Variants in COL20A1 observed in about 807,000 individuals in gnomAD.
COL20A1 encodes the protein collagen alpha-1(XX) chain.
In COL20A1, 164 loss-of-function variants were observed where a neutral mutation model predicts 152.9. The observed-to-expected ratio is 1.07, with a 90% confidence interval of 0.94 to 1.22. The LOEUF is 1.22. Ranked by LOEUF, COL20A1 falls within the 50% of genes most tolerant of loss-of-function variation. The pLI is 0.00. For missense variants in COL20A1, 1,873 were observed against 1,744.8 expected (o/e 1.07, Z -1.31); for synonymous variants, 864 against 756.0 (o/e 1.14, Z -2.34).
At position 63,312,761 on chromosome 20, in the gene COL20A1, C is replaced by T. The variant is rs779052133; in HGVS notation, c.1934-31C>T. 17 of 1,515,678 alleles carry T rather than the reference C, an allele frequency of 1.1e-5. 1 individual carries two copies. In the South Asian group the frequency reaches 1.9e-4, roughly 17 times the overall value. The allele number at this position is 1,515,678 out of a possible 1,614,324, so 93.9% of individuals were successfully genotyped here. ...CTGAGGTGCCCAGGCTCAGGGGCTA[C>T]ACCCCCAGCCTGTGTCTCCACTTCC... On this transcript the variant is annotated intron_variant, in intron 15 of 35. Coordinates refer to ENST00000358894, the MANE Select transcript of COL20A1 (RefSeq NM_020882.4).
rs2068130571 is a variant in COL20A1, at chr20:63,319,537, C to T, written c.2857C>T (p.Gln953Ter). ...CCACCGTGACCCCAGGGCTGCCTTG[C>T]AGGAGGCCACCTTCGACCCGCAGGA... ...YFHRDPRAALQEATFDPQEVR... is the reference protein window; with the variant it reads ...YFHRDPRAAL The change falls in exon 23 of 36, where the codon CAG becomes TAG. Residue 953 changes from glutamine to a stop codon, truncating the protein, a stop_gained. Coordinates refer to ENST00000358894, the MANE Select transcript of COL20A1 (RefSeq NM_020882.4). LOFTEE classifies it high-confidence loss of function. The surrounding 1 kb of genome is among the most constrained non-coding windows in gnomAD (Gnocchi z 4.4). 3.8e-6 allele frequency: 6 copies of T among 1,598,024 alleles called. No homozygotes were observed. Among genetic ancestry groups the T allele is most frequent in the African/African-American group, 2.7e-5 (2 of 74,542 alleles).
At chr20:63,317,664 T>G (rs1235817246) in intron 21 of COL20A1, among the ~76,000 whole-genome samples, 3 of 152,000 alleles carry the variant, frequency 2.0e-5, no homozygotes, top group Non-Finnish European at 4.4e-5. Context: ...GTCACCACGG[T>G]GTCTTCGTGG....
Position 63,310,521 on chromosome 20 carries a change from CAG to C in COL20A1, c.1393+14_1393+15del. Reference sequence around the variant, plus strand: ...GCCTGGTGACCACAGGTAGGTGGGGCAGAGGCAGCGGCCAGGTTCTGGGTGGG... The same window carrying C: ...GCCTGGTGACCACAGGTAGGTGGGGCAGGCAGCGGCCAGGTTCTGGGTGGG... On this transcript the variant is annotated intron_variant, in intron 11 of 35. Transcript: ENST00000358894. 1 of 1,578,434 alleles carries C rather than the reference CAG, an allele frequency of 6.3e-7. No individual in the cohort carries two copies. Among genetic ancestry groups the C allele is most frequent in the Middle Eastern group, 1.7e-4 (1 of 5,756 alleles).
rs1568772322 is a variant in COL20A1 at position 63,309,460 on chromosome 20, CCA to C, written c.1069_1070del (p.Gln357GlufsTer58). On this transcript the variant is annotated frameshift_variant, in exon 9 of 36. Coordinates refer to ENST00000358894, the MANE Select transcript of COL20A1 (RefSeq NM_020882.4). LOFTEE classifies it high-confidence loss of function. Reference sequence around the variant, plus strand: ...CTGGCCTGCTCAGCCGTCTCATCTGCCAGAGGCTCCAGGGTGGGAGCCCGCGG... The same window carrying C: ...CTGGCCTGCTCAGCCGTCTCATCTGCGAGGCTCCAGGGTGGGAGCCCGCGG... ...LAGLLSRLIC[Q>X]RLQGGSPRQG... is the part of the protein sequence containing the mutation. 6.5e-7 allele frequency: 1 copy of C among 1,536,630 alleles called. No homozygotes were observed. Among genetic ancestry groups the C allele is most frequent in the Non-Finnish European group, 8.8e-7 (1 of 1,138,224 alleles).
At chr20:63,328,296 C>G in intron 33 of COL20A1, 35 bp from the exon 34 acceptor site, 1 of 1,593,188 alleles carries the variant, frequency 6.3e-7, no homozygotes. Flanking sequence ...CCCCGGGTCC[C>G]CACTGTGTCC....
intron 31 of COL20A1, 63 bp downstream of exon 31, chr20:63,326,886 A>G: frequency 8.5e-7 from 1 of 1,178,086 alleles, no homozygotes; most frequent in Non-Finnish European, 1.2e-6. Flanking sequence ...TGCAAGCCCC[A>G]CATGCAACCA....
At position 63,323,729 on chromosome 20, in the gene COL20A1, C is replaced by T. The variant is rs911282310; in HGVS notation, c.3294+1618C>T. On this transcript the variant is annotated intron_variant, in intron 27 of 35. Transcript: ENST00000358894. ...CGTTGATGTGTCTGTTGTTCACAGGCGAGGGCTGTGCTGCTTAAATTATTA... is the reference window on the plus strand; with the variant it reads ...CGTTGATGTGTCTGTTGTTCACAGGTGAGGGCTGTGCTGCTTAAATTATTA... Among the ~76,000 whole-genome samples the T allele has an allele frequency of 3.9e-5, 6 of 152,124 alleles. No homozygotes were observed. In the East Asian group the frequency reaches 9.6e-4, roughly 24 times the overall value.
intron 11 of COL20A1, among the ~76,000 whole-genome samples, 194 bp downstream of exon 11, chr20:63,310,704 G>C (rs866344935): frequency 1.1e-4 from 16 of 152,094 alleles, no homozygotes; most frequent in South Asian, 8.3e-4. Flanking sequence ...GTTCTCTTCT[G>C]AACACCAGCT....
rs760766943 is a variant in COL20A1, at chr20:63,307,632, G to A, written c.639G>A (p.Pro213=). The change falls in exon 6 of 36, where the codon CCG becomes CCA. Residue 213 remains proline (P), a synonymous_variant. Coordinates refer to ENST00000358894, the MANE Select transcript of COL20A1 (RefSeq NM_020882.4). ...ASVIAPFEIG[P]DKVQVGLTQY... Reference sequence around the variant, plus strand: ...TCATCGCACCCTTTGAAATCGGGCCGGATAAGGTCCAAGTAGGTGGGTGCT... The same window carrying A: ...TCATCGCACCCTTTGAAATCGGGCCAGATAAGGTCCAAGTAGGTGGGTGCT... The A allele has an allele frequency of 2.4e-5, 38 of 1,612,278 alleles. No individual in the cohort carries two copies. The Middle Eastern group carries it at 4.9e-4, about 21-fold the overall frequency.
At position 63,328,373 on chromosome 20, in the gene COL20A1, C is replaced by A. The variant is rs546339693; in HGVS notation, c.3656C>A (p.Pro1219His). 1.2e-6 allele frequency: 2 copies of A among 1,612,700 alleles called. No individual in the cohort carries two copies. The highest frequency in any genetic ancestry group is 2.7e-5 in the African/African-American group (2 of 75,038). Residue 1219 changes from proline (P) to histidine (H), a missense_variant, in exon 34 of 36, where the codon CCC becomes CAC. Coordinates refer to ENST00000358894, the MANE Select transcript of COL20A1 (RefSeq NM_020882.4). The part of the protein sequence containing the change: ...KFDSFHENTR[P>H]PMPILEQKLE... ...GACTCCTTCCACGAGAACACCAGGC[C>A]CCCCATGCCCATCTTGGAGCAGAAG...
In COL20A1 at chr20:63,321,031, C is replaced by T. The variant is rs2068155425; in HGVS notation, c.3172C>T (p.Pro1058Ser). ...LPASRDGETC[P>S]AFVSACSCSS... is the part of the protein sequence containing the mutation. ...CTTCCAGAGGGATGGAGAGACCTGC[C>T]CCGCCTTCGTGTCTGCCTGTTCCTG... Residue 1058 changes from proline to serine, a missense_variant, in exon 26 of 36, where the codon CCC becomes TCC. Physicochemically the swap from Pro to Ser is moderately conservative, Grantham distance 74. Transcript: ENST00000358894. 6.3e-7 allele frequency: 1 copy of T among 1,590,042 alleles called. No homozygotes were observed. The highest frequency in any genetic ancestry group is 8.6e-7 in the Non-Finnish European group (1 of 1,169,390).
intron 27 of COL20A1, among the ~76,000 whole-genome samples, chr20:63,322,780 G>C (rs914398860): frequency 2.0e-5 from 3 of 152,196 alleles, no homozygotes; most frequent in African/African-American, 7.2e-5. Flanking sequence ...CCCTCCTCCC[G>C]ACCCCGACAC....
intron 34 of COL20A1, 27 bp from the exon 35 acceptor site, chr20:63,329,558 C>G: frequency 6.3e-7 from 1 of 1,593,606 alleles, no homozygotes; most frequent in East Asian, 2.3e-5. Context: ...ATTGCTCCGT[C>G]CTCACATGCC....
chr20:63,327,084 C>A (rs2123435667), intron 31 of COL20A1: 1 of 414,888 alleles, frequency 2.4e-6, no homozygotes, highest in Non-Finnish European at 4.3e-6. Context: ...CTTCCTGTCG[C>A]TCTCCCAGGG....
rs1375287610 is a variant in COL20A1 at position 63,322,106 on chromosome 20, C to T, written c.3289C>T (p.Pro1097Ser). Residue 1097 changes from proline to serine, a missense_variant, in exon 27 of 36, where the codon CCC becomes TCC. By Grantham distance (74) the Pro-to-Ser change is moderately conservative. Transcript: ENST00000358894. ...GTPGEQGFPG[P>S]RGPPGVKGEK... ...CCCAGGAGAGCAGGGCTTCCCAGGG[C>T]CCAGGGTAAGTTTTGGGGAGCCCTG... 4 of 1,497,910 alleles carry T rather than the reference C, an allele frequency of 2.7e-6. No homozygotes were observed. The highest frequency in any genetic ancestry group is 1.5e-5 in the African/African-American group (1 of 68,600). The allele number at this position is 1,497,910 out of a possible 1,614,324, so 92.8% of individuals were successfully genotyped here.
At chr20:63,315,195 G>A (rs1359534631) in intron 19 of COL20A1, among the ~76,000 whole-genome samples, 1 of 152,204 alleles carries the variant, frequency 6.6e-6, no homozygotes, top group Non-Finnish European at 1.5e-5. Flanking sequence ...AGATCCAGAG[G>A]GGCAGGGACC....
rs902916542 is a variant in COL20A1 at position 63,333,889 on chromosome 20, G to A, written c.*3173G>A. Reference sequence around the variant, plus strand: ...TCTTCATCTACCAAGGACCAGGGCAGTGGGGACGGGAGAGCTGGGACACGT... The same window carrying A: ...TCTTCATCTACCAAGGACCAGGGCAATGGGGACGGGAGAGCTGGGACACGT... On this transcript the variant is annotated 3_prime_UTR_variant, in exon 36 of 36. Coordinates refer to ENST00000358894, the MANE Select transcript of COL20A1 (RefSeq NM_020882.4). 6.6e-6 allele frequency: 1 copy of A among 152,490 alleles called. No homozygotes were observed. The highest frequency in any genetic ancestry group is 2.1e-4 in the South Asian group (1 of 4,838). The allele number at this position is 152,490 out of a possible 1,614,324, so 9.4% of individuals were successfully genotyped here.
At chr20:63,309,209 G>A in intron 8 of COL20A1, 124 bp from the exon 9 acceptor site, 1 of 706,326 alleles carries the variant, frequency 1.4e-6, no homozygotes, top group Non-Finnish European at 2.1e-6. Flanking sequence ...TGGGTGGCAG[G>A]TGGGCCGAGT....
chr20:63,326,118 C>T lies in COL20A1; in HGVS notation c.3425C>T (p.Thr1142Ile). Reference sequence around the variant, plus strand: ...CAGGGAATGAGAGGCCTGGAGGGAACTGCTGGCCTGCCTGGACCCCCTGGC... The same window carrying T: ...CAGGGAATGAGAGGCCTGGAGGGAATTGCTGGCCTGCCTGGACCCCCTGGC... ...GPKGMRGLEGTAGLPGPPGPR... is the reference protein window; with the variant it reads ...GPKGMRGLEGIAGLPGPPGPR... The change falls in exon 30 of 36, where the codon ACT becomes ATT. Residue 1142 changes from threonine (T) to isoleucine (I), a missense_variant. Coordinates refer to ENST00000358894, the MANE Select transcript of COL20A1 (RefSeq NM_020882.4). 1.2e-6 allele frequency: 2 copies of T among 1,612,700 alleles called. No individual in the cohort carries two copies. The highest frequency in any genetic ancestry group is 1.7e-6 in the Non-Finnish European group (2 of 1,179,696).
Sources: allele counts gnomAD v4.1 joint callset (sites outside exome capture counted in the v4.1 genomes callset), GRCh38; gene constraint gnomAD v4.1.1; non-coding constraint Gnocchi (gnomAD v3.1); transcripts MANE v1.5; gene names NCBI Gene and HGNC (gene_info 2026-07-23, HGNC 2026-07-21).